MAEL: variants seen among roughly 807,000 people sequenced by gnomAD.
The protein encoded by MAEL is protein maelstrom homolog.
Under a neutral mutation model 62.0 loss-of-function variants are expected in MAEL, and 46 were observed. The ratio of observed to expected loss-of-function variants is 0.74; its 90% CI spans 0.59 to 0.95. The LOEUF (loss-of-function observed/expected upper bound fraction) is 0.95. Among genes scored for constraint, MAEL ranks in the 40% least tolerant of loss-of-function variants. The pLI is 0.00. For missense variants in MAEL, 497 were observed against 526.8 expected (o/e 0.94, Z 0.55); for synonymous variants, 172 against 175.5 (o/e 0.98, Z 0.16).
In MAEL at chr1:166,995,689, T is replaced by A. The variant is rs115042554; in HGVS notation, c.523+1620T>A. Among the ~76,000 whole-genome samples the A allele has an allele frequency of 6.9e-3, 975 of 140,964 alleles. 14 individuals are homozygous for A. The highest frequency in any genetic ancestry group is 0.025 in the African/African-American group (931 of 37,668). The allele number at this position is 140,964 out of a possible 152,430, so 92.5% of individuals were successfully genotyped here. A position where few individuals can be genotyped will look rare whatever the true frequency, so the allele number is the denominator to read the frequency against. On this transcript the variant is annotated intron_variant, in intron 5 of 11. Transcript: ENST00000367872. ...CTAGATGGCAGTTAAAAAAAAAAAA[T>A]AAAAAAAAAATGGAAACTTAGCCGG...
At chr1:167,016,014 T>TGG (rs1665373687) in intron 8 of MAEL, among the ~76,000 whole-genome samples, 1 of 152,174 alleles carries the variant, frequency 6.6e-6, no homozygotes, top group Non-Finnish European at 1.5e-5. Flanking sequence ...TTTGACTGTA[T>TGG]GGTTATGTGT....
intron 8 of MAEL, among the ~76,000 whole-genome samples, chr1:167,015,986 T>C (rs1665372651): frequency 6.6e-6 from 1 of 152,228 alleles, no homozygotes; most frequent in Non-Finnish European, 1.5e-5. Context: ...GAAGCACTCA[T>C]TTTATTTCAA....
intron 5 of MAEL, among the ~76,000 whole-genome samples, chr1:166,999,636 A>G (rs533718421): frequency 1.8e-4 from 27 of 152,258 alleles, no homozygotes; most frequent in Non-Finnish European, 3.5e-4. Flanking sequence ...CAAGGTGGCT[A>G]CAGCAAATGG....
upstream of MAEL, chr1:166,989,194 T>G: frequency 1.0e-6 from 1 of 976,256 alleles, no homozygotes; most frequent in Non-Finnish European, 1.5e-6. Flanking sequence ...TCAGGCTGTT[T>G]GTTCCCCCGC....
intron 1 of MAEL, among the ~76,000 whole-genome samples, chr1:166,980,073 A>G (rs550626905): frequency 6.4e-4 from 98 of 152,244 alleles, no homozygotes; most frequent in African/African-American, 2.2e-3. Flanking sequence ...CTGGACTGCA[A>G]TGGTGCCATC....
upstream of MAEL, chr1:166,989,157 G>C (rs990606722): frequency 1.2e-5 from 9 of 750,752 alleles, no homozygotes; most frequent in African/African-American, 1.6e-4. Context: ...TCACCCGCAA[G>C]GCGGCACGAG....
At chr1:167,016,331 A>T (rs752156155) in intron 9 of MAEL, 47 bp downstream of exon 9, 1 of 1,573,000 alleles carries the variant, frequency 6.4e-7, no homozygotes, top group Non-Finnish European at 8.7e-7. Flanking sequence ...TTCTGATTAA[A>T]TTATTCTGTG....
At chr1:167,007,207 C>G (rs995714323) in intron 8 of MAEL, among the ~76,000 whole-genome samples, 2 of 150,600 alleles carry the variant, frequency 1.3e-5, no homozygotes. Flanking sequence ...TCATGGATTC[C>G]TATTCAGTAC....
chr1:166,990,818 AC>A (rs1170901811), intron 2 of MAEL: 16 of 152,348 alleles, frequency 1.1e-4, no homozygotes, highest in Admixed American at 1.0e-3. Context: ...TTCCATTCTT[AC>A]ATGGTAAAAT....
At chr1:167,008,838 G>A (rs960454735) in intron 8 of MAEL, among the ~76,000 whole-genome samples, 1 of 152,038 alleles carries the variant, frequency 6.6e-6, no homozygotes, top group Non-Finnish European at 1.5e-5. Context: ...ATGTCCAGGT[G>A]AAAAGGACTT....
upstream of MAEL, among the ~76,000 whole-genome samples, chr1:166,985,672 C>T (rs1663892104): frequency 6.6e-6 from 1 of 152,146 alleles, no homozygotes; most frequent in Non-Finnish European, 1.5e-5. Flanking sequence ...TTCCAAGTAA[C>T]AGAACTGTGT....
At chr1:167,006,353 G>T (rs1664895301) in intron 8 of MAEL, among the ~76,000 whole-genome samples, 1 of 151,784 alleles carries the variant, frequency 6.6e-6, no homozygotes, top group Non-Finnish European at 1.5e-5. Context: ...GGACATTTTT[G>T]AGTACAGGCC....
intron 8 of MAEL, chr1:167,005,940 C>G (rs1378320906): frequency 6.6e-6 from 1 of 152,068 alleles, no homozygotes; most frequent in Admixed American, 6.6e-5. Context: ...TATGTGTTTC[C>G]TAAGAATAAG....
upstream of MAEL, among the ~76,000 whole-genome samples, chr1:166,987,236 A>G (rs962355961): frequency 6.6e-6 from 1 of 152,246 alleles, no homozygotes; most frequent in South Asian, 2.1e-4. Flanking sequence ...GATTTTTATA[A>G]CTACAGTTTT....
intron 10 of MAEL, among the ~76,000 whole-genome samples, chr1:167,018,417 A>G (rs1160676518): frequency 2.6e-5 from 4 of 152,162 alleles, no homozygotes. Flanking sequence ...AGTTAAGAGT[A>G]TGGGCTCTAG....
chr1:166,985,633 A>G (rs7528849), upstream of MAEL, among the ~76,000 whole-genome samples: 39,821 of 152,124 alleles, frequency 0.26, 5,593 homozygotes, highest in African/African-American at 0.37. Context: ...AAGTAAGCCT[A>G]AAAAGAGTGA....
chr1:166,997,540 G>T (rs970413536), intron 5 of MAEL, among the ~76,000 whole-genome samples: 5 of 151,754 alleles, frequency 3.3e-5, no homozygotes, highest in Admixed American at 6.6e-5. Flanking sequence ...AACATTTTTT[G>T]ATTTTTAGAG....
intron 1 of MAEL, among the ~76,000 whole-genome samples, chr1:166,977,017 T>G (rs1381181397): frequency 6.6e-6 from 1 of 152,180 alleles, no homozygotes; most frequent in Non-Finnish European, 1.5e-5. Flanking sequence ...GTGGTGGATA[T>G]AAGAAACAAG....
Position 167,021,851 on chromosome 1 carries a change from C to G in MAEL, c.1301C>G (p.Ser434Cys). 1.2e-6 allele frequency: 2 copies of G among 1,600,582 alleles called. No individual in the cohort carries two copies. Among genetic ancestry groups the G allele is most frequent in the Non-Finnish European group, 1.7e-6 (2 of 1,170,510 alleles). Residue 434 changes from serine to cysteine, a missense_variant, in exon 12 of 12, where the codon TCT (serine) becomes TGT (cysteine). By Grantham distance (112) the Ser-to-Cys change is moderately radical (BLOSUM62 -1). Transcript: ENST00000367872. Reference sequence around the variant, plus strand: ...GGATACAAATCTTTCTCTTCCTTATCTTAATGATGGTACTCTTTTCAATTT... The same window carrying G: ...GGATACAAATCTTTCTCTTCCTTATGTTAATGATGGTACTCTTTTCAATTT... ...KDGYKSFSSL[S>C]
Sources: gnomAD v4.1 joint callset for allele counts (sites outside exome capture counted in the v4.1 genomes callset) on GRCh38, gnomAD v4.1.1 for gene constraint, MANE v1.5 for transcripts, NCBI Gene and HGNC (gene_info 2026-07-23, HGNC 2026-07-21) for gene names.